CLEC16A: variants seen among roughly 807,000 people sequenced by gnomAD.
CLEC16A encodes C-type lectin domain containing 16A.
In CLEC16A, 51 loss-of-function variants were observed where a neutral mutation model predicts 109.5. The observed-to-expected ratio is 0.47, with a 90% CI of 0.37 to 0.59. The LOEUF (loss-of-function observed/expected upper bound fraction) is 0.59, where lower values mean the gene tolerates loss of function less well. Among genes scored for constraint, CLEC16A ranks in the 20% least tolerant of loss-of-function variants. The probability of loss-of-function intolerance (pLI) is 0.00; values close to 1 mark genes in which losing one functional copy is unlikely to be tolerated. For synonymous variants in CLEC16A, 673 were observed against 564.2 expected (o/e 1.19, Z -2.73); for missense variants, 1,339 against 1,394.0 (o/e 0.96, Z 0.63).
At chr16:11,089,989 C>G (rs2152961348) in intron 19 of CLEC16A, among the ~76,000 whole-genome samples, 1 of 152,352 alleles carries the variant, frequency 6.6e-6, no homozygotes, top group Non-Finnish European at 1.5e-5. Flanking sequence ...TTCTCTCAAA[C>G]CTCCACCATC....
chr16:11,153,976 C>G (rs748468786), intron 22 of CLEC16A, among the ~76,000 whole-genome samples: 1 of 152,172 alleles, frequency 6.6e-6, no homozygotes, highest in Non-Finnish European at 1.5e-5. Context: ...ACACACCTCC[C>G]CATAAGTGCC....
chr16:11,052,849 G>C (rs888928182), intron 18 of CLEC16A, among the ~76,000 whole-genome samples: 2 of 152,132 alleles, frequency 1.3e-5, no homozygotes, highest in African/African-American at 4.8e-5. Flanking sequence ...AGGACTGAAC[G>C]CTGAGCACTG....
At chr16:10,999,386 T>G (rs1429383617) in intron 10 of CLEC16A, among the ~76,000 whole-genome samples, 1 of 152,244 alleles carries the variant, frequency 6.6e-6, no homozygotes, top group Non-Finnish European at 1.5e-5. Context: ...TAGGCATCTT[T>G]CCAGGAAAAG....
At chr16:11,049,007 T>C (rs1211211447) in intron 17 of CLEC16A, among the ~76,000 whole-genome samples, 1 of 111,706 alleles carries the variant, frequency 9.0e-6, no homozygotes, top group Non-Finnish European at 1.8e-5. Flanking sequence ...GAGCCTTGAT[T>C]TTTTTCTTTT....
intron 19 of CLEC16A, among the ~76,000 whole-genome samples, chr16:11,114,930 C>T (rs2051870547): frequency 6.6e-6 from 1 of 152,242 alleles, no homozygotes; most frequent in Admixed American, 6.5e-5. Flanking sequence ...ACTGGTGTGG[C>T]CGCATTTTAG....
At chr16:11,085,058 GA>G (rs963948175) in intron 19 of CLEC16A, among the ~76,000 whole-genome samples, 2 of 152,236 alleles carry the variant, frequency 1.3e-5, no homozygotes, top group Admixed American at 6.5e-5. Context: ...AGGCCTGGGG[GA>G]AGGGAGCCAG....
intron 9 of CLEC16A, among the ~76,000 whole-genome samples, chr16:10,981,161 T>C (rs74941592): frequency 0.036 from 5,521 of 152,308 alleles, 148 homozygotes; most frequent in Non-Finnish European, 0.055. Flanking sequence ...GGGGCCTTTG[T>C]AGGTGCTCAC....
At chr16:10,963,317 C>G (rs2042344630) in intron 3 of CLEC16A, among the ~76,000 whole-genome samples, 1 of 152,194 alleles carries the variant, frequency 6.6e-6, no homozygotes, top group Non-Finnish European at 1.5e-5. Flanking sequence ...TCTTCAAATA[C>G]AGCCACAATG....
chr16:11,152,191 C>T (rs563072771), intron 22 of CLEC16A, among the ~76,000 whole-genome samples: 1 of 152,288 alleles, frequency 6.6e-6, no homozygotes, highest in African/African-American at 2.4e-5. Flanking sequence ...AAATGTAGTG[C>T]TGTCTTTTAA....
intron 1 of CLEC16A, 41 bp downstream of exon 1, chr16:10,944,838 A>C (rs1248427423): frequency 1.3e-6 from 2 of 1,523,962 alleles, no homozygotes; most frequent in Non-Finnish European, 1.8e-6. Flanking sequence ...GGGGCTGGAC[A>C]GGGGGACGGG....
At chr16:10,968,766 G>T (rs8049278) in intron 3 of CLEC16A, among the ~76,000 whole-genome samples, 20,294 of 152,144 alleles carry the variant, frequency 0.13, 1,338 homozygotes, top group African/African-American at 0.15. Flanking sequence ...CAGAGTTGAT[G>T]ATGTGATTTG....
At chr16:10,996,366 C>A (rs945876847) in intron 10 of CLEC16A, among the ~76,000 whole-genome samples, 1 of 152,210 alleles carries the variant, frequency 6.6e-6, no homozygotes, top group African/African-American at 2.4e-5. Flanking sequence ...GGCCGAGCAC[C>A]TTGGGTCCAA....
intron 19 of CLEC16A, among the ~76,000 whole-genome samples, chr16:11,110,346 G>A (rs896337724): frequency 6.6e-6 from 1 of 152,232 alleles, no homozygotes; most frequent in African/African-American, 2.4e-5. Context: ...GACAGGCACT[G>A]GGATGGGGCT....
At chr16:11,080,702 C>T (rs763673458) in intron 19 of CLEC16A, among the ~76,000 whole-genome samples, 28 of 152,172 alleles carry the variant, frequency 1.8e-4, no homozygotes, top group South Asian at 4.1e-4. Context: ...TTCTAAAGGT[C>T]GCCTGTGCTT....
chr16:11,096,875 G>A (rs1174115720), intron 19 of CLEC16A, among the ~76,000 whole-genome samples: 4 of 152,098 alleles, frequency 2.6e-5, no homozygotes, highest in Non-Finnish European at 5.9e-5. Flanking sequence ...TCAATACAAA[G>A]GGAGGGACAT....
At chr16:11,029,989 C>G (rs540207297) in intron 13 of CLEC16A, among the ~76,000 whole-genome samples, 4 of 152,152 alleles carry the variant, frequency 2.6e-5, no homozygotes, top group African/African-American at 9.7e-5. Flanking sequence ...GCAACATGTA[C>G]TCCTCTTCAT....
At chr16:11,023,442 A>C (rs1277025615) in intron 12 of CLEC16A, among the ~76,000 whole-genome samples, 1 of 149,452 alleles carries the variant, frequency 6.7e-6, no homozygotes, top group Admixed American at 6.6e-5. Context: ...TCAAAACCCA[A>C]ATCTACACAT....
In CLEC16A at chr16:10,973,308, G is replaced by A. The variant is rs190280021; in HGVS notation, c.728+247G>A. 1.8e-4 allele frequency among the ~76,000 whole-genome samples: 28 copies of A among 152,276 alleles called. No individual in the cohort carries two copies. The East Asian group carries it at 3.1e-3, about 17-fold the overall frequency. On this transcript the variant is annotated intron_variant, in intron 7 of 23. Transcript: ENST00000409790. ...GTACAGCCATAGATGGGGCTGCTAC[G>A]CAGCTGGTGAGAAGGTCAAGGGGCT...
At chr16:11,143,938 A>G (rs572204446) in intron 22 of CLEC16A, among the ~76,000 whole-genome samples, 1 of 152,116 alleles carries the variant, frequency 6.6e-6, no homozygotes, top group Admixed American at 6.5e-5. Context: ...CTCATTTTTT[A>G]TTCTTATTCC....
Sources: gnomAD v4.1 joint callset for allele counts (sites outside exome capture counted in the v4.1 genomes callset) on GRCh38, gnomAD v4.1.1 for gene constraint, MANE v1.5 for transcripts, NCBI Gene and HGNC (gene_info 2026-07-23, HGNC 2026-07-21) for gene names.